The following OPCML variants were observed in gnomAD, a reference collection of about 807,000 sequenced individuals.
OPCML encodes opioid binding protein/cell adhesion molecule like, also known as opioid-binding protein/cell adhesion molecule.
A neutral mutation model predicts 37.8 loss-of-function variants in OPCML; 13 were observed. That is an observed-to-expected ratio of 0.34 (90% CI 0.22 to 0.55). OPCML has a LOEUF of 0.55. Among genes scored for constraint, OPCML ranks in the 20% least tolerant of loss-of-function variants. The pLI is 0.91. For synonymous variants in OPCML, 176 were observed against 168.8 expected (o/e 1.04, Z -0.33); for missense variants, 341 against 435.6 (o/e 0.78, Z 1.93).
chr11:132,941,182 T>G (rs1945564948), intron 2 of OPCML, among the ~76,000 whole-genome samples: 1 of 152,168 alleles, frequency 6.6e-6, no homozygotes, highest in Non-Finnish European at 1.5e-5. Flanking sequence ...GAATTGAAGA[T>G]CATGAAAACA....
intron 1 of OPCML, among the ~76,000 whole-genome samples, chr11:133,182,683 C>A (rs1424979293): frequency 6.6e-6 from 1 of 152,146 alleles, no homozygotes; most frequent in Non-Finnish European, 1.5e-5. Context: ...AGCGGAGATG[C>A]CAAGAGGTGG....
At chr11:133,006,812 G>A (rs1947122232) in intron 1 of OPCML, 6 of 985,440 alleles carry the variant, frequency 6.1e-6, no homozygotes, top group Non-Finnish European at 7.2e-6. Context: ...TCTAGCAGGA[G>A]CAGTGACACC....
chr11:132,432,712 A>T (rs1258092378), intron 7 of OPCML, among the ~76,000 whole-genome samples: 1 of 152,164 alleles, frequency 6.6e-6, no homozygotes, highest in Non-Finnish European at 1.5e-5. Flanking sequence ...GGTCCTAGGG[A>T]TTAAGCCAGG....
intron 1 of OPCML, among the ~76,000 whole-genome samples, chr11:132,999,591 A>G (rs1342551968): frequency 6.6e-6 from 1 of 151,300 alleles, no homozygotes; most frequent in African/African-American, 2.5e-5. Flanking sequence ...GCCACCGGTA[A>G]TGAACAAAAG....
rs146589877 is a variant in OPCML at position 132,678,714 on chromosome 11, A to G, written c.147-21395T>C. Reference sequence around the variant, plus strand: ...GGAAACAGAAAAACCATCAGTGGCTATTAGGGGTTGGGCGAGGGAGAGGTG... The same window carrying G: ...GGAAACAGAAAAACCATCAGTGGCTGTTAGGGGTTGGGCGAGGGAGAGGTG... On this transcript the variant is annotated intron_variant, in intron 2 of 7. Coordinates refer to ENST00000524381, the MANE Select transcript of OPCML (RefSeq NM_001012393.5). 8.4e-4 allele frequency among the ~76,000 whole-genome samples: 128 copies of G among 152,338 alleles called. 2 individuals carry two copies. In the East Asian group the frequency reaches 0.023, roughly 28 times the overall value.
In OPCML at chr11:132,695,373, A is replaced by G. The variant is rs1378372449; in HGVS notation, c.147-38054T>C. 6.6e-5 allele frequency among the ~76,000 whole-genome samples: 10 copies of G among 152,300 alleles called. No homozygotes were observed. In the South Asian group the frequency reaches 1.9e-3, roughly 28 times the overall value. ...GTATTCTAGGCCAAATAAAAGCACAATGGAAGCCATGGAAGTGCGGGAGGC... is the reference window on the plus strand; with the variant it reads ...GTATTCTAGGCCAAATAAAAGCACAGTGGAAGCCATGGAAGTGCGGGAGGC... On this transcript the variant is annotated intron_variant, in intron 2 of 7. Transcript: ENST00000524381.
intron 2 of OPCML, among the ~76,000 whole-genome samples, chr11:132,804,539 G>C (rs1242505775): frequency 6.6e-6 from 1 of 152,168 alleles, no homozygotes; most frequent in Non-Finnish European, 1.5e-5. Context: ...GGAAAATGCA[G>C]TGCCTGGAGA....
rs1479125380 is a variant in OPCML at position 133,015,475 on chromosome 11, GGAAT to G, written c.62-72469_62-72466del. On this transcript the variant is annotated intron_variant, in intron 1 of 7. Coordinates refer to ENST00000524381, the MANE Select transcript of OPCML (RefSeq NM_001012393.5). ...AGGAATGAAGGAAGGAAGGAAGGAA[GGAAT>G]GAAGGAAGGAAGGAAGGAAAGAAAG... 1.7e-4 allele frequency among the ~76,000 whole-genome samples: 24 copies of G among 144,506 alleles called. 1 individual carries two copies. Among genetic ancestry groups the G allele is most frequent in the African/African-American group, 6.3e-4 (24 of 38,392 alleles). The allele number at this position is 144,506 out of a possible 152,430, so 94.8% of individuals were successfully genotyped here.
chr11:133,242,824 G>A (rs1442065137), intron 1 of OPCML, among the ~76,000 whole-genome samples: 1 of 152,194 alleles, frequency 6.6e-6, no homozygotes, highest in Admixed American at 6.5e-5. Context: ...GAGTGCAGCT[G>A]AGGGGCTGGC....
At chr11:133,510,605 T>C (rs1948134465) in intron 1 of OPCML, among the ~76,000 whole-genome samples, 1 of 152,218 alleles carries the variant, frequency 6.6e-6, no homozygotes, top group African/African-American at 2.4e-5. Context: ...GTTCCTTTAA[T>C]TGTGTCCTGC....
At chr11:132,820,508 A>G (rs781130625) in intron 2 of OPCML, among the ~76,000 whole-genome samples, 2,476 of 150,798 alleles carry the variant, frequency 0.016, 27 homozygotes, top group Middle Eastern at 0.031. Context: ...GTGTGTGTGT[A>G]TGTGTGTGTG....
At chr11:132,670,688 A>G (rs1027211396) in intron 2 of OPCML, among the ~76,000 whole-genome samples, 1 of 151,866 alleles carries the variant, frequency 6.6e-6, no homozygotes, top group Non-Finnish European at 1.5e-5. Context: ...TAATATTTGT[A>G]AAAAAAACAA....
At chr11:132,783,813 A>G (rs759739125) in intron 2 of OPCML, among the ~76,000 whole-genome samples, 3 of 152,208 alleles carry the variant, frequency 2.0e-5, no homozygotes, top group African/African-American at 4.8e-5. Flanking sequence ...CGTGGGAGAA[A>G]AAACATCATG....
intron 3 of OPCML, among the ~76,000 whole-genome samples, chr11:132,574,057 G>A (rs919831061): frequency 6.6e-6 from 1 of 151,666 alleles, no homozygotes; most frequent in Non-Finnish European, 1.5e-5. Flanking sequence ...ATTTTAAATG[G>A]TGCCAGATGT....
At position 132,874,168 on chromosome 11, in the gene OPCML, C is replaced by T. The variant is rs59548448; in HGVS notation, c.146+68758G>A. ...TTATATACTTCTTTTCTCCCCATGA[C>T]ATTTTGTCAATCATAATTGGGGCAG... On this transcript the variant is annotated intron_variant, in intron 2 of 7. Coordinates refer to ENST00000524381, the MANE Select transcript of OPCML (RefSeq NM_001012393.5). Among the ~76,000 whole-genome samples the T allele has an allele frequency of 7.8e-3, 1,184 of 152,282 alleles. 23 individuals carry two copies. The highest frequency in any genetic ancestry group is 0.026 in the African/African-American group (1,078 of 41,548).
chr11:133,141,102 A>C (rs992609507), intron 1 of OPCML, among the ~76,000 whole-genome samples: 1 of 141,852 alleles, frequency 7.0e-6, no homozygotes, highest in African/African-American at 2.6e-5. Flanking sequence ...AAGGAGAAGA[A>C]GAAGCAGCTG....
chr11:133,458,199 C>T (rs1165940329), intron 1 of OPCML, among the ~76,000 whole-genome samples: 1 of 135,846 alleles, frequency 7.4e-6, no homozygotes, highest in African/African-American at 3.5e-5. Flanking sequence ...CACATATATA[C>T]ACGTGTGTGT....
At chr11:132,959,420 T>C (rs1193615915) in intron 1 of OPCML, among the ~76,000 whole-genome samples, 1 of 152,206 alleles carries the variant, frequency 6.6e-6, no homozygotes, top group South Asian at 2.1e-4. Flanking sequence ...GAATATCCCA[T>C]GAACTTAGCT....
rs1565660062 is a variant in OPCML, at chr11:133,484,079, T to TTG, written c.61+48184_61+48185insCA. ...ATAGATAGATAGATAGATAGATAGA[T>TTG]AGATTCATAGATGAATAGATAGATT... On this transcript the variant is annotated intron_variant, in intron 1 of 7. Transcript: ENST00000524381. Among the ~76,000 whole-genome samples the TTG allele has an allele frequency of 2.1e-4, 29 of 141,054 alleles. 1 individual carries two copies. The highest frequency in any genetic ancestry group is 7.9e-4 in the African/African-American group (25 of 31,832). The allele number at this position is 141,054 out of a possible 152,430, so 92.5% of individuals were successfully genotyped here.
Sources: allele counts gnomAD v4.1 joint callset (sites outside exome capture counted in the v4.1 genomes callset), GRCh38; gene constraint gnomAD v4.1.1; transcripts MANE v1.5; gene names NCBI Gene and HGNC (gene_info 2026-07-23, HGNC 2026-07-21).